The following SYNPR variants were observed in gnomAD, a reference collection of about 807,000 sequenced individuals.
SYNPR encodes the protein synaptoporin.
In SYNPR, 23 loss-of-function variants were observed where a neutral mutation model predicts 32.9. The observed-to-expected ratio is 0.70, with a 90% CI of 0.50 to 0.99. The LOEUF (loss-of-function observed/expected upper bound fraction) is 0.99. Ranked by LOEUF, SYNPR falls within the 50% of genes least tolerant of loss-of-function variation. The pLI is 0.00. For missense variants in SYNPR, 318 were observed against 349.3 expected (o/e 0.91, Z 0.71); for synonymous variants, 146 against 135.9 (o/e 1.07, Z -0.52).
Position 63,556,569 on chromosome 3 carries a change from C to G in SYNPR, c.236C>G (p.Pro79Arg). The G allele has an allele frequency of 6.2e-7, 1 of 1,613,254 alleles. No homozygotes were observed. The highest frequency in any genetic ancestry group is 8.5e-7 in the Non-Finnish European group (1 of 1,179,602). ...FRLHQVTFEV[P>R]TCEGKERQKL... is the part of the protein sequence containing the mutation. ...TTGCACCAGGTGACGTTTGAGGTGC[C>G]CACCTGCGAGGGAAAGGAACGGCAG... Residue 79 changes from proline to arginine, a missense_variant, in exon 4 of 6, where the codon CCC (proline) becomes CGC (arginine). Pro to Arg is a moderately radical substitution (Grantham distance 103). Transcript: ENST00000478300.
intron 2 of SYNPR, among the ~76,000 whole-genome samples, chr3:63,420,649 A>G (rs1699776689): frequency 1.3e-5 from 2 of 152,212 alleles, no homozygotes; most frequent in South Asian, 4.1e-4. Flanking sequence ...GGAATTTCTT[A>G]AAACAAGTAA....
chr3:63,614,906 C>T (rs115575953), intron 5 of SYNPR, among the ~76,000 whole-genome samples: 131 of 152,300 alleles, frequency 8.6e-4, no homozygotes, highest in African/African-American at 3.0e-3. Context: ...AGATCTACTA[C>T]TCAGCAAGCC....
intron 4 of SYNPR, among the ~76,000 whole-genome samples, chr3:63,564,987 G>A (rs1043516387): frequency 2.0e-5 from 3 of 152,102 alleles, no homozygotes; most frequent in African/African-American, 2.4e-5. Context: ...CCCCATCCAC[G>A]TTTGTCACAT....
intron 2 of SYNPR, among the ~76,000 whole-genome samples, chr3:63,388,288 T>A (rs9871029): frequency 2.7e-3 from 414 of 151,986 alleles, no homozygotes; most frequent in African/African-American, 9.3e-3. Context: ...CTGAGGGATA[T>A]CTGGAAGGCA....
intron 2 of SYNPR, among the ~76,000 whole-genome samples, chr3:63,438,532 T>A (rs184083704): frequency 6.6e-6 from 1 of 152,328 alleles, no homozygotes; most frequent in Admixed American, 6.5e-5. Flanking sequence ...AAGCTAATGA[T>A]CTAATAAATC....
the SYNPR span, among the ~76,000 whole-genome samples, chr3:63,210,062 G>A: frequency 1.3e-5 from 2 of 152,050 alleles, no homozygotes; most frequent in Admixed American, 1.3e-4. Flanking sequence ...CTTACTAAGA[G>A]AACAGTCAAG....
chr3:63,211,098 T>A, the SYNPR span, among the ~76,000 whole-genome samples: 1 of 152,290 alleles, frequency 6.6e-6, no homozygotes, highest in East Asian at 1.9e-4. Flanking sequence ...AAATGGAGTC[T>A]CACTTTGTCA....
At chr3:63,420,609 G>T (rs918756497) in intron 2 of SYNPR, among the ~76,000 whole-genome samples, 1 of 151,932 alleles carries the variant, frequency 6.6e-6, no homozygotes, top group Non-Finnish European at 1.5e-5. Context: ...TTTAAAAATG[G>T]AAAATATCTT....
chr3:63,493,104 T>C (rs1701286426), intron 3 of SYNPR, among the ~76,000 whole-genome samples: 2 of 152,034 alleles, frequency 1.3e-5, no homozygotes, highest in South Asian at 4.1e-4. Flanking sequence ...CTCAAGCAGG[T>C]GGCTGGAAGT....
intron 2 of SYNPR, among the ~76,000 whole-genome samples, chr3:63,461,078 G>A (rs1452013842): frequency 2.6e-5 from 4 of 152,064 alleles, no homozygotes; most frequent in East Asian, 3.9e-4. Flanking sequence ...CATGGGCTGC[G>A]CTTGGGCACA....
At chr3:63,448,698 C>G (rs1029031375) in intron 2 of SYNPR, among the ~76,000 whole-genome samples, 1 of 151,970 alleles carries the variant, frequency 6.6e-6, no homozygotes, top group Non-Finnish European at 1.5e-5. Context: ...TTTAAGGATG[C>G]CTACCATGTG....
At chr3:63,362,164 T>C (rs1001298086) in intron 2 of SYNPR, among the ~76,000 whole-genome samples, 1 of 152,222 alleles carries the variant, frequency 6.6e-6, no homozygotes, top group African/African-American at 2.4e-5. Context: ...GGTGAAGCCA[T>C]GCTCACTCTG....
At chr3:63,288,683 A>T (rs979195714) in intron 2 of SYNPR, among the ~76,000 whole-genome samples, 21 of 152,222 alleles carry the variant, frequency 1.4e-4, no homozygotes, top group Admixed American at 1.3e-3. Flanking sequence ...TTTTATTCAC[A>T]TATTTGTTGG....
intron 2 of SYNPR, among the ~76,000 whole-genome samples, chr3:63,376,220 T>C (rs1359414284): frequency 6.6e-6 from 1 of 152,228 alleles, no homozygotes; most frequent in Non-Finnish European, 1.5e-5. Context: ...TTGTCTTCTC[T>C]AATTTTGCTT....
At chr3:63,317,847 G>C (rs1415080842) in intron 2 of SYNPR, among the ~76,000 whole-genome samples, 1 of 151,906 alleles carries the variant, frequency 6.6e-6, no homozygotes, top group African/African-American at 2.4e-5. Context: ...TGTTTTACAA[G>C]TCCTGTGTGA....
chr3:63,486,864 C>T (rs552703032), intron 3 of SYNPR, among the ~76,000 whole-genome samples: 62 of 152,132 alleles, frequency 4.1e-4, no homozygotes, highest in Admixed American at 9.2e-4. Flanking sequence ...GGAGGTTTTT[C>T]CCAGTTGGCA....
At chr3:63,493,327 G>C (rs529096509) in intron 3 of SYNPR, among the ~76,000 whole-genome samples, 1 of 152,092 alleles carries the variant, frequency 6.6e-6, no homozygotes. Flanking sequence ...AGCCAGAGCC[G>C]AGACATGAAA....
At chr3:63,399,379 T>G (rs1188814453) in intron 2 of SYNPR, among the ~76,000 whole-genome samples, 1 of 152,232 alleles carries the variant, frequency 6.6e-6, no homozygotes, top group Non-Finnish European at 1.5e-5. Context: ...TGCACTTTTT[T>G]GCAGAGCCTG....
At chr3:63,223,088 AAGAG>A in the SYNPR span, among the ~76,000 whole-genome samples, 1 of 152,078 alleles carries the variant, frequency 6.6e-6, no homozygotes, top group Non-Finnish European at 1.5e-5. Context: ...ACAGAGGAGG[AAGAG>A]AGAGTCAAGA....
Sources: allele counts gnomAD v4.1 joint callset (sites outside exome capture counted in the v4.1 genomes callset), GRCh38; gene constraint gnomAD v4.1.1; transcripts MANE v1.5; gene names NCBI Gene and HGNC (gene_info 2026-07-23, HGNC 2026-07-21).